POU2F1: variants seen among roughly 807,000 people sequenced by gnomAD.
The protein encoded by POU2F1 is POU domain, class 2, transcription factor 1.
POU2F1 carries 16 observed loss-of-function variants against 84.9 expected under a neutral mutation model. The observed-to-expected ratio is 0.19, with a 90% confidence interval of 0.13 to 0.29. The LOEUF is 0.29. Ranked by LOEUF, POU2F1 falls within the 10% of genes least tolerant of loss-of-function variation. POU2F1 has a pLI of 1.00. For missense variants in POU2F1, 738 were observed against 942.6 expected (o/e 0.78, Z 2.84); for synonymous variants, 368 against 368.3 (o/e 1.00, Z 0.01).
chr1:167,396,309 G>A lies in POU2F1; in HGVS notation c.1011G>A (p.Gly337=). The A allele has an allele frequency of 6.2e-7, 1 of 1,614,040 alleles. No individual in the cohort carries two copies. Among genetic ancestry groups the A allele is most frequent in the Non-Finnish European group, 8.5e-7 (1 of 1,179,972 alleles). Residue 337 remains glycine (G), a synonymous_variant, in exon 10 of 16, where the codon GGG becomes GGA. Coordinates refer to ENST00000367866, the MANE Select transcript of POU2F1 (RefSeq NM_002697.4). Reference sequence around the variant, plus strand: ...AGGGTGATGTTGGGCTCGCTATGGGGAAACTATATGGAAATGACTTCAGCC... The same window carrying A: ...AGGGTGATGTTGGGCTCGCTATGGGAAAACTATATGGAAATGACTTCAGCC... ...FTQGDVGLAM[G]KLYGNDFSQT...
At chr1:167,387,051 T>C (rs898935592) in intron 8 of POU2F1, 1 of 396,452 alleles carries the variant, frequency 2.5e-6, no homozygotes, top group East Asian at 7.3e-5. Flanking sequence ...AATGCAAGAG[T>C]GAGGTTGGGA....
chr1:167,310,244 G>T (rs370062241), intron 1 of POU2F1, among the ~76,000 whole-genome samples: 2 of 151,776 alleles, frequency 1.3e-5, no homozygotes, highest in African/African-American at 4.8e-5. Context: ...AGGAAAGGGG[G>T]GAAGGGAGAT....
chr1:167,411,895 TAAAGCCACCATTCTTCC>T, intron 13 of POU2F1, 47 bp from the exon 14 acceptor site: 1 of 1,463,892 alleles, frequency 6.8e-7, no homozygotes, highest in Non-Finnish European at 9.3e-7. Flanking sequence ...TTTGGCTGAG[TAAAGCCACCATTCTTCC>T]AAAACCATTT....
At chr1:167,261,993 G>A (rs1651601544) in intron 1 of POU2F1, among the ~76,000 whole-genome samples, 1 of 152,100 alleles carries the variant, frequency 6.6e-6, no homozygotes, top group Non-Finnish European at 1.5e-5. Flanking sequence ...CCTTGATTAT[G>A]TTTGATAACA....
chr1:167,333,948 G>A (rs1045388970), intron 2 of POU2F1, among the ~76,000 whole-genome samples: 2 of 152,068 alleles, frequency 1.3e-5, no homozygotes, highest in Admixed American at 6.5e-5. Context: ...TAGAGGGTGG[G>A]GCAGTGGGCA....
At chr1:167,254,516 T>TA (rs1323892065) in intron 1 of POU2F1, among the ~76,000 whole-genome samples, 25 of 150,020 alleles carry the variant, frequency 1.7e-4, no homozygotes, top group Admixed American at 5.9e-4. Flanking sequence ...GTTTCACATG[T>TA]ATCTTAATTC....
chr1:167,387,303 G>A (rs1022335688), intron 8 of POU2F1: 5 of 446,038 alleles, frequency 1.1e-5, no homozygotes, highest in South Asian at 3.2e-5. Context: ...CTTCAGGCCC[G>A]GAGATGAAGT....
At chr1:167,339,827 G>A (rs994071906) in intron 2 of POU2F1, among the ~76,000 whole-genome samples, 1 of 152,126 alleles carries the variant, frequency 6.6e-6, no homozygotes, top group Non-Finnish European at 1.5e-5. Context: ...CTATAAAGTA[G>A]TAATTTATTA....
chr1:167,378,782 G>C (rs935846304), intron 7 of POU2F1, among the ~76,000 whole-genome samples: 1 of 151,618 alleles, frequency 6.6e-6, no homozygotes, highest in Non-Finnish European at 1.5e-5. Context: ...TGCTCTATTT[G>C]TTTGTTTGTT....
chr1:167,228,882 T>G (rs1448299104), intron 1 of POU2F1, among the ~76,000 whole-genome samples: 1 of 152,182 alleles, frequency 6.6e-6, no homozygotes, highest in African/African-American at 2.4e-5. Flanking sequence ...ACTTTAAAAT[T>G]TATAGCCACA....
intron 1 of POU2F1, among the ~76,000 whole-genome samples, chr1:167,306,035 C>T (rs1022726864): frequency 8.5e-5 from 13 of 152,252 alleles, no homozygotes; most frequent in African/African-American, 3.1e-4. Flanking sequence ...TTATTCCTTC[C>T]TTTTTGTTTG....
In POU2F1 at chr1:167,315,818, A is replaced by C. The variant is rs376021895; in HGVS notation, c.62-16652A>C. Among the ~76,000 whole-genome samples, 449 of 152,026 alleles carry C rather than the reference A, an allele frequency of 3.0e-3. 2 individuals are homozygous for C. Among genetic ancestry groups the C allele is most frequent in the African/African-American group, 0.01 (427 of 41,402 alleles). On this transcript the variant is annotated intron_variant, in intron 1 of 15. Transcript: ENST00000367866. ...TACCCCATCTCTTTAAAAAAAAAAAAAACCCTGAAATTAAAAAACAAGCAA... is the reference window on the plus strand; with the variant it reads ...TACCCCATCTCTTTAAAAAAAAAAACAACCCTGAAATTAAAAAACAAGCAA...
chr1:167,233,141 T>A (rs1478744691), intron 1 of POU2F1, among the ~76,000 whole-genome samples: 1 of 150,760 alleles, frequency 6.6e-6, no homozygotes, highest in Non-Finnish European at 1.5e-5. Flanking sequence ...TTTTTTAATT[T>A]TTTTTTTTTT....
intron 1 of POU2F1, among the ~76,000 whole-genome samples, chr1:167,300,232 A>G (rs960504118): frequency 2.0e-5 from 3 of 152,212 alleles, no homozygotes; most frequent in Admixed American, 2.0e-4. Flanking sequence ...CCACATGGAT[A>G]TAAAGATGGG....
chr1:167,388,971 A>G (rs1648188561), intron 8 of POU2F1, among the ~76,000 whole-genome samples: 1 of 152,122 alleles, frequency 6.6e-6, no homozygotes, highest in African/African-American at 2.4e-5. Context: ...AAACAACGTT[A>G]AATAAGAAAA....
At chr1:167,309,396 A>T (rs1185821205) in intron 1 of POU2F1, among the ~76,000 whole-genome samples, 2 of 152,066 alleles carry the variant, frequency 1.3e-5, no homozygotes, top group African/African-American at 4.8e-5. Flanking sequence ...TTAAGGTTTT[A>T]GTTCCTTTCC....
intron 1 of POU2F1, among the ~76,000 whole-genome samples, chr1:167,295,635 A>G (rs1453411209): frequency 2.0e-5 from 3 of 152,254 alleles, no homozygotes; most frequent in Admixed American, 6.5e-5. Flanking sequence ...CATCCATGTA[A>G]CCAAAGCTAT....
intron 2 of POU2F1, among the ~76,000 whole-genome samples, chr1:167,361,420 C>G (rs376134075): frequency 6.6e-6 from 1 of 152,034 alleles, no homozygotes; most frequent in South Asian, 2.1e-4. Context: ...TTTTCTGGTT[C>G]TATTGTGATG....
intron 2 of POU2F1, among the ~76,000 whole-genome samples, chr1:167,361,501 C>T (rs910861630): frequency 3.3e-5 from 5 of 152,144 alleles, no homozygotes; most frequent in African/African-American, 1.2e-4. Context: ...TTGAACCACC[C>T]TTACATCCCA....
Sources: gnomAD v4.1 joint callset for allele counts (sites outside exome capture counted in the v4.1 genomes callset) on GRCh38, gnomAD v4.1.1 for gene constraint, MANE v1.5 for transcripts, NCBI Gene and HGNC (gene_info 2026-07-23, HGNC 2026-07-21) for gene names.